Variants in HYDIN observed in about 807,000 individuals in gnomAD.
HYDIN encodes axonemal central pair apparatus protein HYDIN.
HYDIN carries 132 observed loss-of-function variants against 403.9 expected under a neutral mutation model. The ratio of observed to expected loss-of-function variants is 0.33; its 90% CI spans 0.28 to 0.38. HYDIN has a LOEUF of 0.38. HYDIN is among the 10% of genes least tolerant of loss of function. HYDIN has a pLI of 1.00. For missense variants in HYDIN, 2,827 were observed against 5,009.5 expected (o/e 0.56, Z 13.15); for synonymous variants, 1,202 against 1,891.7 (o/e 0.64, Z 9.46).
intron 55 of HYDIN, chr16:70,893,948 C>G (rs1354879437): frequency 1.3e-5 from 2 of 153,150 alleles, no homozygotes. Context: ...GCCCTTTCTT[C>G]ACATGAAATC....
At chr16:70,844,481 G>A (rs1314417692) in intron 75 of HYDIN, among the ~76,000 whole-genome samples, 1 of 144,206 alleles carries the variant, frequency 6.9e-6, no homozygotes, top group Non-Finnish European at 1.5e-5. Flanking sequence ...GTAGTGTGAT[G>A]CCTCCAGCTT....
intron 62 of HYDIN, among the ~76,000 whole-genome samples, chr16:70,877,211 G>A (rs1211674780): frequency 2.7e-5 from 4 of 148,080 alleles, no homozygotes; most frequent in Non-Finnish European, 5.9e-5. Context: ...AGAAGATATA[G>A]TGAGAAGGTC....
intron 2 of HYDIN, among the ~76,000 whole-genome samples, chr16:71,185,643 C>A (rs1405344564): frequency 1.3e-5 from 2 of 152,046 alleles, no homozygotes; most frequent in African/African-American, 2.4e-5. Flanking sequence ...AATGCTTTTA[C>A]CCTTTCCAAT....
intron 9 of HYDIN, among the ~76,000 whole-genome samples, chr16:71,121,323 CAT>C (rs2084250061): frequency 1.0e-5 from 1 of 99,736 alleles, no homozygotes; most frequent in African/African-American, 4.1e-5. Context: ...GTCTGGAAAA[CAT>C]AGCACGGCCC....
chr16:71,165,425 TC>T (rs1324606433), intron 5 of HYDIN, among the ~76,000 whole-genome samples: 1 of 151,330 alleles, frequency 6.6e-6, no homozygotes, highest in Non-Finnish European at 1.5e-5. Flanking sequence ...ACTCTCCCTC[TC>T]CTGCCCCATC....
chr16:70,934,506 TC>T (rs998716784), intron 45 of HYDIN, among the ~76,000 whole-genome samples: 1 of 152,042 alleles, frequency 6.6e-6, no homozygotes, highest in African/African-American at 2.4e-5. Context: ...ACCTTGGCAC[TC>T]CCCCTGGAAT....
intron 73 of HYDIN, chr16:70,852,944 C>T (rs947728525): frequency 1.1e-4 from 17 of 150,752 alleles, no homozygotes; most frequent in Admixed American, 2.0e-4. Context: ...GAAGCCAAGG[C>T]GGGTGGATCA....
At chr16:70,953,463 C>T (rs1408179529) in intron 40 of HYDIN, among the ~76,000 whole-genome samples, 2 of 152,084 alleles carry the variant, frequency 1.3e-5, no homozygotes, top group Non-Finnish European at 2.9e-5. Flanking sequence ...TGAAACTCCT[C>T]CTCGCTTCTC....
In HYDIN at chr16:70,938,651, G is replaced by A. The variant is rs138000790; in HGVS notation, c.6958C>T (p.Arg2320Trp). 24 of 1,605,258 alleles carry A rather than the reference G, an allele frequency of 1.5e-5. No individual in the cohort carries two copies. The highest frequency in any genetic ancestry group is 6.7e-5 in the African/African-American group (5 of 74,812). The change falls in exon 44 of 86, where the codon CGG (arginine) becomes TGG (tryptophan). Residue 2320 changes from arginine to tryptophan, a missense_variant. Physicochemically the swap from Arg to Trp is moderately radical, Grantham distance 101. Coordinates refer to ENST00000393567, the MANE Select transcript of HYDIN (RefSeq NM_001270974.2). ...TCGCGGAGCGCCTGCTGAATCCCCC[G>A]ATCGAATGTGAGTTTCTCCTCCTCA... ...LTEEEKLTFD[R>W]GIQQALRERK...
rs1462100886 is a variant in HYDIN, at chr16:70,863,182, C to T, written c.11472G>A (p.Glu3824=). 3 of 1,612,762 alleles carry T rather than the reference C, an allele frequency of 1.9e-6. No homozygotes were observed. The highest frequency in any genetic ancestry group is 3.3e-5 in the Admixed American group (2 of 59,882). The change falls in exon 68 of 86, where the codon GAG becomes GAA. Residue 3824 remains glutamate, a splice_region_variant and synonymous_variant. Transcript: ENST00000393567. ...CACGTCCTGAATTAATCACATCGAA[C>T]CTGCAAATCGATCAGGGAGCAGATT... is the stretch of plus-strand genomic sequence containing the variant. The part of the protein sequence containing the change: ...ETLVYQTRVF[E]FDVINSGRVQ...
chr16:71,037,490 G>T (rs1010394659), intron 18 of HYDIN, among the ~76,000 whole-genome samples: 3 of 151,862 alleles, frequency 2.0e-5, no homozygotes, highest in African/African-American at 7.3e-5. Flanking sequence ...ACAAATCCAG[G>T]TGTTGCTGTG....
intron 58 of HYDIN, among the ~76,000 whole-genome samples, chr16:70,885,980 T>C (rs2041107443): frequency 6.8e-6 from 1 of 147,030 alleles, no homozygotes; most frequent in Non-Finnish European, 1.5e-5. Flanking sequence ...GAGGCCACCT[T>C]GCAACCATGA....
intron 21 of HYDIN, among the ~76,000 whole-genome samples, chr16:71,025,129 C>T (rs1449466664): frequency 6.6e-6 from 1 of 152,222 alleles, no homozygotes; most frequent in African/African-American, 2.4e-5. Flanking sequence ...ATTCAGTGCA[C>T]TGGAATACCA....
intron 7 of HYDIN, among the ~76,000 whole-genome samples, chr16:71,139,434 G>T (rs1046328152): frequency 4.6e-5 from 7 of 152,028 alleles, no homozygotes; most frequent in Non-Finnish European, 7.4e-5. Flanking sequence ...AAAAATATCA[G>T]ACACTAGGAA....
intron 10 of HYDIN, among the ~76,000 whole-genome samples, chr16:71,096,104 A>C (rs894491614): frequency 6.6e-6 from 1 of 152,002 alleles, no homozygotes; most frequent in African/African-American, 2.4e-5. Context: ...CTTTCATTAC[A>C]ATTTGTAGTG....
rs770307678 is a variant in HYDIN at position 70,901,177 on chromosome 16, G to A, written c.8875C>T (p.Arg2959Cys). The A allele has an allele frequency of 1.2e-5, 11 of 909,558 alleles. No homozygotes were observed. The highest frequency in any genetic ancestry group is 3.4e-5 in the African/African-American group (2 of 58,520). The allele number at this position is 909,558 out of a possible 1,614,324, so 56.3% of individuals were successfully genotyped here. ...GCCACAGGCAGGAGCGTGACATTGC[G>A]GAGAAGAACTACCCTGGATTCCTGT... ...HRQESRVVLL[R>C]NVTLLPVAWR... Residue 2959 changes from arginine to cysteine, a missense_variant, in exon 53 of 86, where the codon CGC becomes TGC. Coordinates refer to ENST00000393567, the MANE Select transcript of HYDIN (RefSeq NM_001270974.2).
intron 75 of HYDIN, among the ~76,000 whole-genome samples, chr16:70,842,745 T>G (rs1206259164): frequency 6.6e-6 from 1 of 152,064 alleles, no homozygotes; most frequent in East Asian, 1.9e-4. Context: ...TAAGGTAAAA[T>G]TTTATGTCTT....
At chr16:70,957,471 C>T (rs1232640048) in intron 39 of HYDIN, among the ~76,000 whole-genome samples, 2 of 151,920 alleles carry the variant, frequency 1.3e-5, no homozygotes, top group Admixed American at 6.5e-5. Flanking sequence ...GGATTACAGG[C>T]GCCTGCTACC....
chr16:70,835,872 G>C, intron 77 of HYDIN, 38 bp from the exon 78 acceptor site: 2 of 623,798 alleles, frequency 3.2e-6, no homozygotes, highest in East Asian at 5.4e-5. Flanking sequence ...GAGTTCATTA[G>C]TTAAAGGGAA....
Sources: allele counts gnomAD v4.1 joint callset (sites outside exome capture counted in the v4.1 genomes callset), GRCh38; gene constraint gnomAD v4.1.1; transcripts MANE v1.5; gene names NCBI Gene and HGNC (gene_info 2026-07-23, HGNC 2026-07-21).